Variants in TMEM177 observed in about 807,000 individuals in gnomAD.
TMEM177 encodes the protein transmembrane protein 177.
A neutral mutation model predicts 14.2 loss-of-function variants in TMEM177; 4 were observed. The observed-to-expected ratio is 0.28, with a 90% CI of 0.14 to 0.64. TMEM177 has a LOEUF of 0.64. Ranked by LOEUF, TMEM177 falls within the 30% of genes least tolerant of loss-of-function variation. The pLI is 0.82. For missense variants in TMEM177, 344 were observed against 405.2 expected, an observed-to-expected ratio of 0.85 and a Z score of 1.30; for synonymous variants, 179 against 174.5, an observed-to-expected ratio of 1.03 and a Z score of -0.20.
chr2:119,715,279 T>C, the TMEM177 span, among the ~76,000 whole-genome samples: 1 of 152,144 alleles, frequency 6.6e-6, no homozygotes, highest in African/African-American at 2.4e-5. Context: ...TCTTAGCTCC[T>C]CTGGAGGGTG....
downstream of TMEM177, among the ~76,000 whole-genome samples, chr2:119,682,726 A>G (rs1288462011): frequency 6.6e-6 from 1 of 152,210 alleles, no homozygotes; most frequent in Non-Finnish European, 1.5e-5. Flanking sequence ...GAGGGAGCCC[A>G]CTGGCGCCAT....
the TMEM177 span, among the ~76,000 whole-genome samples, chr2:119,696,463 A>G: frequency 6.6e-6 from 1 of 152,194 alleles, no homozygotes; most frequent in Admixed American, 6.5e-5. Context: ...TTTATTGAAC[A>G]TCTGATATGT....
chr2:119,689,496 C>T (rs1041147894), downstream of TMEM177, among the ~76,000 whole-genome samples: 11 of 152,210 alleles, frequency 7.2e-5, no homozygotes, highest in Non-Finnish European at 7.3e-5. Context: ...ATACCAAACA[C>T]TTATTTAACA....
chr2:119,706,830 C>T, the TMEM177 span, among the ~76,000 whole-genome samples: 2 of 152,174 alleles, frequency 1.3e-5, no homozygotes. Context: ...GCTGCATCAC[C>T]AGGCATTGCA....
At chr2:119,693,880 A>T in the TMEM177 span, among the ~76,000 whole-genome samples, 1 of 408 alleles carries the variant, frequency 2.5e-3, no homozygotes, top group African/African-American at 0.011. Context: ...AACACAACAC[A>T]CAAACATACC....
At chr2:119,703,036 C>T in the TMEM177 span, among the ~76,000 whole-genome samples, 78,882 of 151,820 alleles carry the variant, frequency 0.52, 21,173 homozygotes, top group East Asian at 0.65. Context: ...GCAAGCTCAC[C>T]GTGGCCCAGG....
chr2:119,702,001 T>C, the TMEM177 span, among the ~76,000 whole-genome samples: 1 of 152,234 alleles, frequency 6.6e-6, no homozygotes. Context: ...GGTTTTACAG[T>C]AGTGATGTTA....
the TMEM177 span, among the ~76,000 whole-genome samples, chr2:119,704,564 C>T: frequency 6.6e-6 from 1 of 151,764 alleles, no homozygotes; most frequent in East Asian, 1.9e-4. Context: ...TGCCACTGCA[C>T]TCCAGACTCC....
chr2:119,691,573 G>T, the TMEM177 span, among the ~76,000 whole-genome samples: 1 of 152,180 alleles, frequency 6.6e-6, no homozygotes, highest in Non-Finnish European at 1.5e-5. Context: ...TGCCAGCTGG[G>T]ACCTCTGTAA....
the TMEM177 span, among the ~76,000 whole-genome samples, chr2:119,704,381 C>T: frequency 2.6e-5 from 4 of 152,096 alleles, no homozygotes; most frequent in Admixed American, 6.5e-5. Flanking sequence ...GGGTGGATCA[C>T]GAGGTCAGGA....
chr2:119,691,431 A>G (rs1238300242), downstream of TMEM177, among the ~76,000 whole-genome samples: 1 of 152,078 alleles, frequency 6.6e-6, no homozygotes, highest in African/African-American at 2.4e-5. Context: ...GCAGTGACTG[A>G]ATTAGAGCTG....
rs114560189 is a variant in TMEM177, at chr2:119,681,262, G to A, written c.409G>A (p.Ala137Thr). 8.5e-4 allele frequency: 1,377 copies of A among 1,614,244 alleles called. 4 individuals carry two copies. Among genetic ancestry groups the A allele is most frequent in the Middle Eastern group, 1.6e-3 (10 of 6,062 alleles). The change falls in exon 2 of 2, where the codon GCC becomes ACC. Residue 137 changes from alanine to threonine, a missense_variant. Ala to Thr is a moderately conservative substitution (Grantham distance 58). Coordinates refer to ENST00000272521, the MANE Select transcript of TMEM177 (RefSeq NM_030577.3). Reference protein sequence around the residue: ...HTVDWRSPAGARLRASLTLSR... With the variant: ...HTVDWRSPAGTRLRASLTLSR... ...AGTGGACTGGCGGAGCCCAGCAGGC[G>A]CCCGGCTGAGAGCTTCCCTGACCTT...
chr2:119,680,195 A>G (rs1688858094), intron 1 of TMEM177, among the ~76,000 whole-genome samples: 1 of 152,212 alleles, frequency 6.6e-6, no homozygotes, highest in African/African-American at 2.4e-5. Context: ...ATACAGCCAC[A>G]GTCTGAGGTA....
At chr2:119,695,767 G>A in the TMEM177 span, among the ~76,000 whole-genome samples, 1 of 152,238 alleles carries the variant, frequency 6.6e-6, no homozygotes, top group East Asian at 1.9e-4. Context: ...GTGGTAAATT[G>A]TACACAGTTG....
intron 1 of TMEM177, 30 bp downstream of exon 1, chr2:119,679,306 G>C (rs893324976): frequency 2.6e-5 from 4 of 152,194 alleles, no homozygotes; most frequent in Non-Finnish European, 5.9e-5. Flanking sequence ...GAGTAGCCTA[G>C]GGGCCCAGAG....
the TMEM177 span, among the ~76,000 whole-genome samples, chr2:119,692,223 A>C: frequency 6.6e-6 from 1 of 152,194 alleles, no homozygotes; most frequent in Non-Finnish European, 1.5e-5. Flanking sequence ...TGGTGGGAAA[A>C]TGCTTGCATC....
chr2:119,708,738 T>C, the TMEM177 span, among the ~76,000 whole-genome samples: 2 of 152,134 alleles, frequency 1.3e-5, no homozygotes, highest in African/African-American at 4.8e-5. Context: ...TCACTCTTTG[T>C]AAAAACTATC....
At chr2:119,710,512 C>A in the TMEM177 span, among the ~76,000 whole-genome samples, 1 of 152,166 alleles carries the variant, frequency 6.6e-6, no homozygotes, top group East Asian at 1.9e-4. Context: ...CAGGAGCCCA[C>A]CCCAGACAGA....
At chr2:119,716,067 G>A in the TMEM177 span, among the ~76,000 whole-genome samples, 16,038 of 152,220 alleles carry the variant, frequency 0.11, 1,028 homozygotes, top group Middle Eastern at 0.17. Flanking sequence ...CTTGCATTCC[G>A]GTGGGGAGTT....
Sources: allele counts gnomAD v4.1 joint callset (sites outside exome capture counted in the v4.1 genomes callset), GRCh38; gene constraint gnomAD v4.1.1; transcripts MANE v1.5; gene names NCBI Gene and HGNC (gene_info 2026-07-23, HGNC 2026-07-21).